Variants in LRP1B observed in about 807,000 individuals in gnomAD.
LRP1B encodes LDL receptor related protein 1B, also known as low-density lipoprotein receptor-related protein 1B.
In LRP1B, 217 loss-of-function variants were observed where a neutral mutation model predicts 556.6. That is an observed-to-expected ratio of 0.39 (90% CI 0.35 to 0.44). The LOEUF (loss-of-function observed/expected upper bound fraction) is 0.44. Ranked by LOEUF, LRP1B falls within the 20% of genes least tolerant of loss-of-function variation. LRP1B has a pLI of 1.00. For synonymous variants in LRP1B, 2,047 were observed against 1,865.8 expected (o/e 1.10, Z -2.50); for missense variants, 5,053 against 5,620.8 (o/e 0.90, Z 3.23).
chr2:142,034,456 CT>C lies in LRP1B; in HGVS notation c.82+96191del, dbSNP rs1445931450. 1.3e-4 allele frequency among the ~76,000 whole-genome samples: 19 copies of C among 151,552 alleles called. No individual in the cohort carries two copies. The East Asian group carries it at 3.1e-3, about 25-fold the overall frequency. On this transcript the variant is annotated intron_variant, in intron 1 of 90. Coordinates refer to ENST00000389484, the MANE Select transcript of LRP1B (RefSeq NM_018557.3). Reference sequence around the variant, plus strand: ...GCACTGTTCCCTCTGCACATAATGCCTTTTTTTTCTTACTAAACTGATAACA... The same window carrying C: ...GCACTGTTCCCTCTGCACATAATGCCTTTTTTTCTTACTAAACTGATAACA...
At chr2:141,218,407 G>A (rs1174480510) in intron 6 of LRP1B, among the ~76,000 whole-genome samples, 2 of 152,062 alleles carry the variant, frequency 1.3e-5, no homozygotes, top group Non-Finnish European at 2.9e-5. Context: ...ATTGTGGATT[G>A]GATAAAGAAA....
intron 2 of LRP1B, among the ~76,000 whole-genome samples, chr2:141,621,819 T>C (rs1428766094): frequency 6.6e-6 from 1 of 152,094 alleles, no homozygotes; most frequent in African/African-American, 2.4e-5. Flanking sequence ...GAAAAGAAGA[T>C]GGGGGAGGAA....
rs143322213 is a variant in LRP1B at position 140,660,999 on chromosome 2, C to T, written c.6799+39251G>A. 3.4e-3 allele frequency among the ~76,000 whole-genome samples: 510 copies of T among 151,646 alleles called. 2 individuals are homozygous for T. The highest frequency in any genetic ancestry group is 0.012 in the African/African-American group (494 of 41,362). On this transcript the variant is annotated intron_variant, in intron 41 of 90. Coordinates refer to ENST00000389484, the MANE Select transcript of LRP1B (RefSeq NM_018557.3). ...TTCTCTCTTCTTCTGCTTTTGTTAA[C>T]TCCTAAGGTTTTTTCTATGAAACCC...
chr2:140,681,092 T>C (rs1685844924), intron 41 of LRP1B, among the ~76,000 whole-genome samples: 2 of 152,192 alleles, frequency 1.3e-5, no homozygotes, highest in African/African-American at 4.8e-5. Context: ...TGTTAACACA[T>C]TCATGATGGG....
At chr2:141,144,119 G>A (rs1701723456) in intron 7 of LRP1B, among the ~76,000 whole-genome samples, 1 of 152,062 alleles carries the variant, frequency 6.6e-6, no homozygotes, top group Non-Finnish European at 1.5e-5. Flanking sequence ...CAGCTAAAAG[G>A]AAATTTTTGA....
At chr2:141,650,584 A>G (rs949075581) in intron 2 of LRP1B, among the ~76,000 whole-genome samples, 1 of 152,246 alleles carries the variant, frequency 6.6e-6, no homozygotes, top group Non-Finnish European at 1.5e-5. Flanking sequence ...GAAAGCCAGA[A>G]AAACAGATTT....
At chr2:141,861,855 G>A (rs990386867) in intron 1 of LRP1B, among the ~76,000 whole-genome samples, 3 of 151,856 alleles carry the variant, frequency 2.0e-5, no homozygotes, top group African/African-American at 4.8e-5. Flanking sequence ...GCTTGAACTC[G>A]GGAGGTGGAG....
chr2:141,942,535 A>G (rs773280031), intron 1 of LRP1B, among the ~76,000 whole-genome samples: 7 of 152,088 alleles, frequency 4.6e-5, no homozygotes, highest in Non-Finnish European at 1.0e-4. Flanking sequence ...AACCAACCAA[A>G]ACAAAACCAT....
At chr2:140,863,547 A>C (rs921913678) in intron 27 of LRP1B, among the ~76,000 whole-genome samples, 3 of 151,952 alleles carry the variant, frequency 2.0e-5, no homozygotes, top group African/African-American at 7.3e-5. Flanking sequence ...CTTTGTGGGG[A>C]TATTATTTGA....
Position 140,284,605 on chromosome 2 carries a change from CCTTT to C in LRP1B, c.12968-10011_12968-10008del, listed in dbSNP as rs754402107. The stretch of plus-strand genomic sequence containing the variant: ...CCTGTTTCCTTTTTCATTCTTTCCT[CCTTT>C]CTTTCTATCTCTTTTATATCCTTCC... On this transcript the variant is annotated intron_variant, in intron 84 of 90. Transcript: ENST00000389484. Among the ~76,000 whole-genome samples, 10 of 151,610 alleles carry C rather than the reference CCTTT, an allele frequency of 6.6e-5. No individual in the cohort carries two copies. The East Asian group carries it at 7.8e-4, about 12-fold the overall frequency.
rs2105420868 is a variant in LRP1B at position 140,700,444 on chromosome 2, A to T, written c.6605T>A (p.Leu2202His). ...SGRTILKSIH[L>H]SDETNLNSPI... ...GGAATTTAAATTGGTTTCATCAGAA[A>T]GATGTATACTTTTTAATATTGTTCT... The change falls in exon 41 of 91, where the codon CTT becomes CAT. Residue 2202 changes from leucine (L) to histidine (H), a missense_variant. Transcript: ENST00000389484. 6.2e-7 allele frequency: 1 copy of T among 1,613,418 alleles called. No individual in the cohort carries two copies.
intron 71 of LRP1B, among the ~76,000 whole-genome samples, chr2:140,369,556 C>T (rs1323092127): frequency 2.0e-5 from 3 of 151,788 alleles, no homozygotes; most frequent in African/African-American, 7.3e-5. Context: ...CCGTTATAGA[C>T]ATTTAACATT....
intron 5 of LRP1B, among the ~76,000 whole-genome samples, chr2:141,242,074 T>C (rs1314907577): frequency 6.6e-6 from 1 of 152,174 alleles, no homozygotes; most frequent in Non-Finnish European, 1.5e-5. Context: ...AGACTTAATA[T>C]GTTACCCTTC....
intron 1 of LRP1B, among the ~76,000 whole-genome samples, chr2:141,869,409 C>T (rs754198992): frequency 6.6e-5 from 10 of 151,872 alleles, no homozygotes; most frequent in Non-Finnish European, 1.2e-4. Flanking sequence ...ATTATATATT[C>T]TCAAAGTTCA....
chr2:141,035,122 G>GC (rs1357547363), intron 11 of LRP1B, among the ~76,000 whole-genome samples: 2 of 151,322 alleles, frequency 1.3e-5, no homozygotes, highest in Non-Finnish European at 2.9e-5. Flanking sequence ...ATCAAACACC[G>GC]CATGTTCTCA....
intron 7 of LRP1B, among the ~76,000 whole-genome samples, chr2:141,121,230 C>T (rs777574258): frequency 5.9e-5 from 9 of 152,002 alleles, no homozygotes; most frequent in East Asian, 1.9e-4. Flanking sequence ...TGTTAAACTC[C>T]GCCTGTTTAG....
intron 6 of LRP1B, among the ~76,000 whole-genome samples, chr2:141,226,653 T>C (rs1683260781): frequency 6.6e-6 from 1 of 152,258 alleles, no homozygotes; most frequent in Non-Finnish European, 1.5e-5. Flanking sequence ...CTTCCATCAG[T>C]TCATTATTTT....
intron 49 of LRP1B, among the ~76,000 whole-genome samples, chr2:140,518,093 A>C (rs1377144546): frequency 6.6e-6 from 1 of 152,146 alleles, no homozygotes; most frequent in Non-Finnish European, 1.5e-5. Context: ...ATAGCCAAGC[A>C]GGAAGTAAAC....
At chr2:141,611,895 A>T (rs992390896) in intron 2 of LRP1B, among the ~76,000 whole-genome samples, 2 of 152,176 alleles carry the variant, frequency 1.3e-5, no homozygotes, top group Non-Finnish European at 2.9e-5. Context: ...ATTTAATGGG[A>T]ATTTCTTCAG....
Sources: allele counts gnomAD v4.1 joint callset (sites outside exome capture counted in the v4.1 genomes callset), GRCh38; gene constraint gnomAD v4.1.1; transcripts MANE v1.5; gene names NCBI Gene and HGNC (gene_info 2026-07-23, HGNC 2026-07-21).